LYRM4: variants seen among roughly 807,000 people sequenced by gnomAD.
LYRM4 encodes LYR motif-containing protein 4.
In LYRM4, 9 loss-of-function variants were observed where a neutral mutation model predicts 11.7. That is an observed-to-expected ratio of 0.77 (90% CI 0.46 to 1.34). The LOEUF (loss-of-function observed/expected upper bound fraction) is 1.34. Among genes scored for constraint, LYRM4 ranks in the 40% most tolerant of loss-of-function variants. The pLI, the probability that LYRM4 is intolerant of heterozygous loss-of-function variation, is 0.00. For missense variants in LYRM4, 133 were observed against 112.5 expected (o/e 1.18, Z -0.82); for synonymous variants, 42 against 40.4 (o/e 1.04, Z -0.15).
At chr6:5,138,933 G>C (rs1485442303) in intron 2 of LYRM4, among the ~76,000 whole-genome samples, 1 of 152,200 alleles carries the variant, frequency 6.6e-6, no homozygotes, top group Non-Finnish European at 1.5e-5. Flanking sequence ...CTTAAAGAAA[G>C]TCTTTCGAGC....
chr6:5,068,087 C>T, the LYRM4 span, among the ~76,000 whole-genome samples: 3,669 of 152,270 alleles, frequency 0.024, 141 homozygotes, highest in African/African-American at 0.084. The surrounding 1 kb of genome is among the most constrained non-coding windows in gnomAD (Gnocchi z 4.0). Context: ...AAAAGGCAAC[C>T]TTCTTGCCCA....
downstream of LYRM4, chr6:5,108,207 G>A (rs1217359476): frequency 6.6e-6 from 1 of 152,552 alleles, no homozygotes; most frequent in African/African-American, 2.4e-5. Context: ...TTAAAATGAG[G>A]GGGTGACAGT....
At chr6:5,120,578 C>A (rs2127601987) in intron 2 of LYRM4, among the ~76,000 whole-genome samples, 1 of 152,312 alleles carries the variant, frequency 6.6e-6, no homozygotes. Context: ...CTGCTGCTGG[C>A]TGGGGGTGGC....
intron 2 of LYRM4, chr6:5,138,590 G>A (rs1292530305): frequency 2.2e-5 from 9 of 409,992 alleles, no homozygotes; most frequent in Non-Finnish European, 3.0e-5. Context: ...TTTTATGAAT[G>A]ATTTCCAGAC....
chr6:5,251,329 T>C (rs1764418698), intron 1 of LYRM4, among the ~76,000 whole-genome samples: 1 of 151,730 alleles, frequency 6.6e-6, no homozygotes, highest in South Asian at 2.1e-4. Flanking sequence ...CATATTAGGG[T>C]GGTATTTGAA....
At chr6:5,090,327 CT>C in the LYRM4 span, among the ~76,000 whole-genome samples, 1 of 152,162 alleles carries the variant, frequency 6.6e-6, no homozygotes, top group African/African-American at 2.4e-5. This position sits in a 1 kb window ranked among gnomAD's most constrained non-coding sequence, Gnocchi z 4.8. Context: ...GAAACATGGG[CT>C]GGGAATGTGG....
At chr6:5,177,868 A>G (rs1308724065) in intron 2 of LYRM4, among the ~76,000 whole-genome samples, 1 of 152,190 alleles carries the variant, frequency 6.6e-6, no homozygotes, top group East Asian at 1.9e-4. Context: ...CCAAGAACAT[A>G]CTAGGCCTCA....
the LYRM4 span, chr6:5,032,138 A>G: frequency 6.6e-6 from 1 of 152,244 alleles, no homozygotes; most frequent in African/African-American, 2.4e-5. Context: ...ATCATCAAGT[A>G]TTTAATATTT....
At chr6:5,221,607 T>G (rs879805946) in intron 1 of LYRM4, among the ~76,000 whole-genome samples, 2 of 152,176 alleles carry the variant, frequency 1.3e-5, no homozygotes, top group Admixed American at 1.3e-4. Context: ...ACAGGAGAAC[T>G]GCTTGAACCC....
chr6:5,165,296 G>A (rs2127659628), intron 2 of LYRM4, among the ~76,000 whole-genome samples: 1 of 152,238 alleles, frequency 6.6e-6, no homozygotes, highest in East Asian at 1.9e-4. Flanking sequence ...GTATATCTGT[G>A]TTTATTTTTC....
intron 2 of LYRM4, among the ~76,000 whole-genome samples, chr6:5,213,327 G>A (rs1040034707): frequency 3.3e-5 from 5 of 152,210 alleles, no homozygotes; most frequent in Admixed American, 1.3e-4. Context: ...TGGGACGCGG[G>A]GGTGGAGGGG....
intron 2 of LYRM4, among the ~76,000 whole-genome samples, chr6:5,195,058 A>C (rs1025358242): frequency 6.6e-6 from 1 of 152,234 alleles, no homozygotes; most frequent in African/African-American, 2.4e-5. Context: ...AATTATGCAT[A>C]TGTGTTCCTG....
At chr6:5,045,253 C>A in the LYRM4 span, among the ~76,000 whole-genome samples, 5 of 152,298 alleles carry the variant, frequency 3.3e-5, no homozygotes, top group Admixed American at 2.6e-4. Flanking sequence ...AAAATGTAGT[C>A]CATCCATACA....
At chr6:5,085,165 G>C in the LYRM4 span, 1 of 378,676 alleles carries the variant, frequency 2.6e-6, no homozygotes, top group Non-Finnish European at 4.7e-6. Flanking sequence ...GAGCACTCGG[G>C]AACACGGCTT....
At chr6:5,065,473 C>T in the LYRM4 span, among the ~76,000 whole-genome samples, 1 of 152,134 alleles carries the variant, frequency 6.6e-6, no homozygotes, top group Non-Finnish European at 1.5e-5. Flanking sequence ...TAATAATGTA[C>T]AGACTCTTGC....
intron 2 of LYRM4, among the ~76,000 whole-genome samples, chr6:5,124,035 C>T (rs1340836220): frequency 1.3e-5 from 2 of 152,134 alleles, no homozygotes; most frequent in Admixed American, 1.3e-4. Flanking sequence ...CTTTGGTAGT[C>T]CTCTGCTCTC....
intron 2 of LYRM4, among the ~76,000 whole-genome samples, chr6:5,205,116 C>A (rs1203030982): frequency 6.6e-6 from 1 of 152,208 alleles, no homozygotes; most frequent in Non-Finnish European, 1.5e-5. Flanking sequence ...AGGGTAGGGA[C>A]AGGATGACTT....
chr6:5,219,824 T>C (rs1354945850), intron 1 of LYRM4, among the ~76,000 whole-genome samples: 1 of 151,994 alleles, frequency 6.6e-6, no homozygotes, highest in African/African-American at 2.4e-5. Flanking sequence ...GCTGTGAAAA[T>C]GGCAGCTAGG....
At chr6:5,241,605 T>C (rs1012879845) in intron 1 of LYRM4, among the ~76,000 whole-genome samples, 1 of 152,196 alleles carries the variant, frequency 6.6e-6, no homozygotes, top group Non-Finnish European at 1.5e-5. Context: ...ATCAAAAGTA[T>C]TGGAAGTTTC....
Sources: allele counts gnomAD v4.1 joint callset (sites outside exome capture counted in the v4.1 genomes callset), GRCh38; gene constraint gnomAD v4.1.1; non-coding constraint Gnocchi (gnomAD v3.1); transcripts MANE v1.5; gene names NCBI Gene and HGNC (gene_info 2026-07-23, HGNC 2026-07-21).